The following SPAG16 variants were observed in gnomAD, a reference collection of about 807,000 sequenced individuals.
SPAG16 encodes the protein sperm associated antigen 16.
Under a neutral mutation model 80.4 loss-of-function variants are expected in SPAG16, and 86 were observed. That is an observed-to-expected ratio of 1.07 (90% CI 0.90 to 1.28). SPAG16 has a LOEUF of 1.28. Among genes scored for constraint, SPAG16 ranks in the 50% most tolerant of loss-of-function variants. The pLI, the probability that SPAG16 is intolerant of heterozygous loss-of-function variation, is 0.00. For missense variants in SPAG16, 870 were observed against 765.3 expected (o/e 1.14, Z -1.61); for synonymous variants, 294 against 265.9 (o/e 1.11, Z -1.03).
chr2:213,654,798 C>T (rs775541841), intron 10 of SPAG16, among the ~76,000 whole-genome samples: 2 of 151,594 alleles, frequency 1.3e-5, no homozygotes, highest in Non-Finnish European at 2.9e-5. Context: ...CTAGAAATGG[C>T]ACCACTATCA....
intron 10 of SPAG16, among the ~76,000 whole-genome samples, chr2:213,807,874 A>G (rs138248232): frequency 2.0e-5 from 3 of 152,314 alleles, no homozygotes; most frequent in African/African-American, 7.2e-5. Context: ...TGGTTGTTTT[A>G]TACTGAAAGA....
chr2:214,161,477 A>G (rs1287878075), intron 15 of SPAG16, among the ~76,000 whole-genome samples: 2 of 152,062 alleles, frequency 1.3e-5, no homozygotes, highest in Non-Finnish European at 2.9e-5. Flanking sequence ...GTTTCTTGAC[A>G]TTTTAATAAT....
chr2:214,373,821 C>T (rs1013519061), intron 15 of SPAG16, among the ~76,000 whole-genome samples: 2 of 152,146 alleles, frequency 1.3e-5, no homozygotes, highest in Non-Finnish European at 2.9e-5. Context: ...TTTCTCATAG[C>T]AACAGTATCA....
At chr2:214,079,134 G>C (rs1398857567) in intron 13 of SPAG16, among the ~76,000 whole-genome samples, 1 of 152,074 alleles carries the variant, frequency 6.6e-6, no homozygotes, top group South Asian at 2.1e-4. Context: ...ATCATAGCAA[G>C]ATAGAAAGAC....
chr2:213,681,828 C>T (rs2064403164), intron 10 of SPAG16, among the ~76,000 whole-genome samples: 1 of 152,158 alleles, frequency 6.6e-6, no homozygotes, highest in African/African-American at 2.4e-5. Flanking sequence ...ACTAGTGAAT[C>T]AGCCTTGGCT....
intron 15 of SPAG16, among the ~76,000 whole-genome samples, chr2:214,313,853 CT>C (rs1029351454): frequency 1.8e-4 from 27 of 152,102 alleles, no homozygotes; most frequent in African/African-American, 4.8e-4. Context: ...TTTTTAACCG[CT>C]TTTTTTCTTC....
chr2:213,821,343 G>A (rs1157721856), intron 10 of SPAG16, among the ~76,000 whole-genome samples: 1 of 152,026 alleles, frequency 6.6e-6, no homozygotes, highest in South Asian at 2.1e-4. Flanking sequence ...AAAGTTGAAA[G>A]CAAAATGATG....
At chr2:213,481,351 A>G (rs1189688412) in intron 9 of SPAG16, among the ~76,000 whole-genome samples, 1 of 152,218 alleles carries the variant, frequency 6.6e-6, no homozygotes, top group African/African-American at 2.4e-5. Context: ...CTAAACCTTA[A>G]TAGAATACGT....
intron 15 of SPAG16, among the ~76,000 whole-genome samples, chr2:214,295,103 C>T (rs1431951939): frequency 6.6e-6 from 1 of 152,176 alleles, no homozygotes; most frequent in East Asian, 1.9e-4. Flanking sequence ...GTACCCAGCT[C>T]TATCATCAAG....
intron 15 of SPAG16, among the ~76,000 whole-genome samples, chr2:214,404,454 T>A (rs552993919): frequency 8.7e-4 from 133 of 152,180 alleles, no homozygotes; most frequent in Admixed American, 1.6e-3. Context: ...CTGCGATCAT[T>A]GTTCTGTTTA....
At chr2:213,772,315 A>G (rs1028140667) in intron 10 of SPAG16, among the ~76,000 whole-genome samples, 13 of 152,120 alleles carry the variant, frequency 8.5e-5, no homozygotes, top group Admixed American at 7.9e-4. Context: ...CACCCTCAAC[A>G]TGCCAGATCT....
At chr2:213,950,402 A>G (rs982589884) in intron 12 of SPAG16, among the ~76,000 whole-genome samples, 2 of 152,170 alleles carry the variant, frequency 1.3e-5, no homozygotes, top group African/African-American at 4.8e-5. Flanking sequence ...TGAGGGGCAC[A>G]TATGCACAGT....
At position 213,592,161 on chromosome 2, in the gene SPAG16, C is replaced by A. The variant is rs115158740; in HGVS notation, c.1070+102071C>A. 9.2e-3 allele frequency among the ~76,000 whole-genome samples: 1,406 copies of A among 152,226 alleles called. 19 individuals are homozygous for A. Among genetic ancestry groups the A allele is most frequent in the Non-Finnish European group, 0.013 (863 of 68,014 alleles). On this transcript the variant is annotated intron_variant, in intron 10 of 15. Coordinates refer to ENST00000331683, the MANE Select transcript of SPAG16 (RefSeq NM_024532.5). ...TCAGCATATAAAAAACAAAAGAAGA[C>A]CTCTAATACCAGCAGAACTATAACA...
At chr2:214,282,901 G>T (rs1576672604) in intron 15 of SPAG16, among the ~76,000 whole-genome samples, 1 of 152,134 alleles carries the variant, frequency 6.6e-6, no homozygotes, top group South Asian at 2.1e-4. Context: ...CTAAATAGGT[G>T]GAAGAAGCCT....
At chr2:214,353,050 T>G (rs1698529250) in intron 15 of SPAG16, among the ~76,000 whole-genome samples, 1 of 152,122 alleles carries the variant, frequency 6.6e-6, no homozygotes, top group South Asian at 2.1e-4. Context: ...CTTGCTGCCC[T>G]TTCTACTTGC....
chr2:213,969,311 A>C (rs1456100504), intron 12 of SPAG16, among the ~76,000 whole-genome samples: 1 of 152,180 alleles, frequency 6.6e-6, no homozygotes, highest in Non-Finnish European at 1.5e-5. Context: ...TATGACTTAC[A>C]TATTTTTGAC....
At chr2:214,076,233 T>A (rs183202606) in intron 13 of SPAG16, among the ~76,000 whole-genome samples, 1 of 152,162 alleles carries the variant, frequency 6.6e-6, no homozygotes, top group Non-Finnish European at 1.5e-5. Context: ...ACAGCTTGTT[T>A]AGACTGATAT....
intron 10 of SPAG16, among the ~76,000 whole-genome samples, chr2:213,557,094 G>T (rs1575963287): frequency 6.6e-6 from 1 of 151,996 alleles, no homozygotes; most frequent in Admixed American, 6.6e-5. Context: ...GTTATTTGTG[G>T]GTTTTTTTCT....
chr2:213,522,813 A>G (rs1005477736), intron 10 of SPAG16, among the ~76,000 whole-genome samples: 13 of 149,018 alleles, frequency 8.7e-5, no homozygotes, highest in African/African-American at 1.2e-4. Flanking sequence ...ATATATATAT[A>G]TAACAAACTT....
Sources: gnomAD v4.1 joint callset for allele counts (sites outside exome capture counted in the v4.1 genomes callset) on GRCh38, gnomAD v4.1.1 for gene constraint, MANE v1.5 for transcripts, NCBI Gene and HGNC (gene_info 2026-07-23, HGNC 2026-07-21) for gene names.